The following DPYD variants were observed in gnomAD, a reference collection of about 807,000 sequenced individuals.
DPYD encodes dihydropyrimidine dehydrogenase, also known as dihydropyrimidine dehydrogenase [NADP(+)].
DPYD carries 109 observed loss-of-function variants against 116.2 expected under a neutral mutation model. The observed-to-expected ratio is 0.94, with a 90% CI of 0.80 to 1.10. The LOEUF is 1.10. Ranked by LOEUF, DPYD falls within the 50% of genes least tolerant of loss-of-function variation. DPYD has a pLI of 0.00. For synonymous variants in DPYD, 440 were observed against 432.0 expected (o/e 1.02, Z -0.23); for missense variants, 1,302 against 1,254.5 (o/e 1.04, Z -0.57).
At chr1:97,841,787 A>G (rs984121628) in intron 2 of DPYD, among the ~76,000 whole-genome samples, 1 of 152,124 alleles carries the variant, frequency 6.6e-6, no homozygotes, top group South Asian at 2.1e-4. Flanking sequence ...TCTTATAGGA[A>G]TCTAACATAC....
intron 20 of DPYD, among the ~76,000 whole-genome samples, chr1:97,173,220 A>ATGTGTATATATG (rs1557911256): frequency 2.8e-4 from 38 of 136,528 alleles, no homozygotes; most frequent in Non-Finnish European, 4.8e-4. Flanking sequence ...ATACACATAT[A>ATGTGTATATATG]CGTACATATA....
chr1:97,109,298 G>A (rs1423227857), intron 20 of DPYD, among the ~76,000 whole-genome samples: 1 of 152,052 alleles, frequency 6.6e-6, no homozygotes, highest in African/African-American at 2.4e-5. Flanking sequence ...AAATGTCACA[G>A]AGTATTAACA....
intron 14 of DPYD, among the ~76,000 whole-genome samples, chr1:97,411,045 A>G (rs145763176): frequency 6.6e-6 from 1 of 152,224 alleles, no homozygotes; most frequent in African/African-American, 2.4e-5. Flanking sequence ...GTGGGGTCAA[A>G]ACTAGGAATC....
chr1:97,369,103 G>A (rs1353334622), intron 16 of DPYD, among the ~76,000 whole-genome samples: 1 of 152,114 alleles, frequency 6.6e-6, no homozygotes, highest in Admixed American at 6.6e-5. Context: ...ACTCAATGTG[G>A]TAAGAACATG....
chr1:97,411,603 T>C (rs1673997524), intron 14 of DPYD, among the ~76,000 whole-genome samples: 1 of 152,170 alleles, frequency 6.6e-6, no homozygotes, highest in African/African-American at 2.4e-5. Flanking sequence ...AAATATTCAT[T>C]TATCATTGAA....
intron 8 of DPYD, among the ~76,000 whole-genome samples, chr1:97,664,893 G>A (rs78080847): frequency 0.041 from 6,163 of 152,124 alleles, 229 homozygotes; most frequent in African/African-American, 0.099. Context: ...CAGGGGAAAA[G>A]AGAGCATACT....
intron 14 of DPYD, among the ~76,000 whole-genome samples, chr1:97,414,904 T>G (rs1674207740): frequency 6.6e-6 from 1 of 152,256 alleles, no homozygotes; most frequent in South Asian, 2.1e-4. Flanking sequence ...AATCTTTTTT[T>G]TAGGCAACTG....
chr1:97,736,023 A>G (rs930355850), intron 4 of DPYD, among the ~76,000 whole-genome samples: 1 of 152,060 alleles, frequency 6.6e-6, no homozygotes, highest in South Asian at 2.1e-4. Flanking sequence ...ATAAAGAAAG[A>G]GAGACAGTGA....
chr1:97,629,478 T>G (rs930213613), intron 8 of DPYD, among the ~76,000 whole-genome samples: 5 of 152,072 alleles, frequency 3.3e-5, no homozygotes, highest in African/African-American at 1.2e-4. Context: ...GTTTGAAGGC[T>G]GCTCACAGAG....
chr1:97,094,828 C>T (rs1434632094), intron 21 of DPYD, among the ~76,000 whole-genome samples: 1 of 152,118 alleles, frequency 6.6e-6, no homozygotes, highest in Non-Finnish European at 1.5e-5. Context: ...CAGACACCAA[C>T]ATCATGTTCT....
intron 8 of DPYD, among the ~76,000 whole-genome samples, chr1:97,656,966 A>ATTTTT (rs71590230): frequency 5.2e-5 from 6 of 116,498 alleles, no homozygotes; most frequent in Non-Finnish European, 7.0e-5. Flanking sequence ...GCATGATTGT[A>ATTTTT]TTTTTTTTTT....
chr1:97,601,105 G>T (rs941206038), intron 8 of DPYD, among the ~76,000 whole-genome samples: 2 of 151,972 alleles, frequency 1.3e-5, no homozygotes, highest in African/African-American at 4.8e-5. Context: ...AAAGAACTGG[G>T]TTCTAATCTC....
chr1:97,862,155 A>G (rs1185660417), intron 2 of DPYD, among the ~76,000 whole-genome samples: 2 of 151,922 alleles, frequency 1.3e-5, no homozygotes, highest in Non-Finnish European at 2.9e-5. Context: ...CTAAATCACT[A>G]CAGAAGACAA....
intron 12 of DPYD, among the ~76,000 whole-genome samples, chr1:97,517,845 T>C (rs184537526): frequency 2.6e-5 from 4 of 152,254 alleles, no homozygotes; most frequent in Admixed American, 2.6e-4. Flanking sequence ...GTGTCTGTAC[T>C]TTACAAGGTG....
chr1:97,593,774 T>C (rs921290012), intron 9 of DPYD, among the ~76,000 whole-genome samples: 2 of 152,238 alleles, frequency 1.3e-5, no homozygotes, highest in Non-Finnish European at 2.9e-5. Context: ...GTGTTAACGG[T>C]TTGCAATATT....
intron 14 of DPYD, among the ~76,000 whole-genome samples, chr1:97,397,944 T>C (rs1341649588): frequency 6.9e-6 from 1 of 144,630 alleles, no homozygotes; most frequent in African/African-American, 2.5e-5. Flanking sequence ...CCACATGCTG[T>C]CTTTTTTTTT....
intron 1 of DPYD, among the ~76,000 whole-genome samples, chr1:97,904,090 G>C (rs550110519): frequency 1.9e-4 from 29 of 151,898 alleles, no homozygotes; most frequent in Non-Finnish European, 2.9e-4. Flanking sequence ...TACACATCAG[G>C]ATGTCCCTTC....
chr1:97,081,940 C>A (rs572577313), intron 22 of DPYD, among the ~76,000 whole-genome samples: 1 of 152,130 alleles, frequency 6.6e-6, no homozygotes, highest in African/African-American at 2.4e-5. Flanking sequence ...TCTCTTTTGG[C>A]AGAAGGAATC....
intron 4 of DPYD, among the ~76,000 whole-genome samples, chr1:97,727,708 A>G (rs1459305677): frequency 3.3e-5 from 5 of 151,864 alleles, no homozygotes; most frequent in Admixed American, 6.6e-5. Context: ...GAAATGGTAG[A>G]TAACTCCATT....
Sources: gnomAD v4.1 joint callset for allele counts (sites outside exome capture counted in the v4.1 genomes callset) on GRCh38, gnomAD v4.1.1 for gene constraint, MANE v1.5 for transcripts, NCBI Gene and HGNC (gene_info 2026-07-23, HGNC 2026-07-21) for gene names.